ABTB3: variants seen among roughly 807,000 people sequenced by gnomAD.
The protein encoded by ABTB3 is ankyrin repeat and BTB domain containing 3, also known as ankyrin repeat- and BTB/POZ domain-containing protein 3.
At chr12:107,409,456 T>C in the ABTB3 span, among the ~76,000 whole-genome samples, 1 of 152,240 alleles carries the variant, frequency 6.6e-6, no homozygotes, top group Non-Finnish European at 1.5e-5. Flanking sequence ...TAAAGATACA[T>C]GCACCTGTAT....
the ABTB3 span, among the ~76,000 whole-genome samples, chr12:107,474,304 T>C: frequency 1.3e-5 from 2 of 152,150 alleles, no homozygotes; most frequent in Non-Finnish European, 2.9e-5. Context: ...CCCAGCTGTC[T>C]GCCACCGCCG....
chr12:107,411,363 G>A, the ABTB3 span, among the ~76,000 whole-genome samples: 3 of 152,160 alleles, frequency 2.0e-5, no homozygotes, highest in Non-Finnish European at 4.4e-5. Flanking sequence ...CAATTGCTTG[G>A]CTGCCTACTC....
the ABTB3 span, among the ~76,000 whole-genome samples, chr12:107,623,669 T>G: frequency 6.6e-6 from 1 of 152,180 alleles, no homozygotes; most frequent in Non-Finnish European, 1.5e-5. Flanking sequence ...ATCCGGCCTC[T>G]AGCTTATTTT....
At chr12:107,632,622 C>T in the ABTB3 span, among the ~76,000 whole-genome samples, 1 of 152,198 alleles carries the variant, frequency 6.6e-6, no homozygotes, top group Admixed American at 6.5e-5. Flanking sequence ...CGTAAGGCAA[C>T]ACCTGTTTAT....
the ABTB3 span, among the ~76,000 whole-genome samples, chr12:107,443,209 G>A: frequency 6.6e-6 from 1 of 152,028 alleles, no homozygotes; most frequent in African/African-American, 2.4e-5. Flanking sequence ...AAGGGAGTGG[G>A]ATGCATTTGC....
At chr12:107,513,287 A>G in the ABTB3 span, among the ~76,000 whole-genome samples, 2 of 152,128 alleles carry the variant, frequency 1.3e-5, no homozygotes, top group East Asian at 1.9e-4. Flanking sequence ...AGCATCTGAT[A>G]TGGTTTGGCT....
the ABTB3 span, among the ~76,000 whole-genome samples, chr12:107,390,562 A>G: frequency 1.3e-5 from 2 of 152,230 alleles, no homozygotes; most frequent in Non-Finnish European, 1.5e-5. Context: ...GGTAGGAGGC[A>G]GTGTCAGTAC....
chr12:107,345,255 CTT>C, the ABTB3 span, among the ~76,000 whole-genome samples: 6 of 152,132 alleles, frequency 3.9e-5, no homozygotes, highest in Non-Finnish European at 5.9e-5. Flanking sequence ...GCAGAAGACT[CTT>C]TACAAATAAG....
At chr12:107,481,076 A>G in the ABTB3 span, among the ~76,000 whole-genome samples, 1 of 152,174 alleles carries the variant, frequency 6.6e-6, no homozygotes, top group Non-Finnish European at 1.5e-5. Context: ...TCTAGAGACA[A>G]TTCTGGTTGT....
At chr12:107,625,829 G>A in the ABTB3 span, among the ~76,000 whole-genome samples, 11,140 of 152,174 alleles carry the variant, frequency 0.073, 493 homozygotes, top group Middle Eastern at 0.11. Context: ...CTTGACCTTC[G>A]ATGACACCAT....
chr12:107,542,021 C>T, the ABTB3 span, among the ~76,000 whole-genome samples: 1 of 151,974 alleles, frequency 6.6e-6, no homozygotes, highest in Non-Finnish European at 1.5e-5. Context: ...TAAAATTAAC[C>T]ATCACTGGCC....
At chr12:107,497,652 G>T in the ABTB3 span, among the ~76,000 whole-genome samples, 1 of 152,174 alleles carries the variant, frequency 6.6e-6, no homozygotes, top group African/African-American at 2.4e-5. Context: ...GTAATATTCT[G>T]TTGGATGATG....
chr12:107,435,216 A>G, the ABTB3 span, among the ~76,000 whole-genome samples: 1 of 152,208 alleles, frequency 6.6e-6, no homozygotes, highest in East Asian at 1.9e-4. Flanking sequence ...ATGGAAATAG[A>G]ATCAGTGCGT....
chr12:107,513,112 A>G, the ABTB3 span, among the ~76,000 whole-genome samples: 1 of 152,232 alleles, frequency 6.6e-6, no homozygotes, highest in African/African-American at 2.4e-5. Context: ...CTGAATTTAA[A>G]CATGTAAAAT....
At chr12:107,525,219 C>T in the ABTB3 span, among the ~76,000 whole-genome samples, 2 of 148,624 alleles carry the variant, frequency 1.3e-5, no homozygotes, top group African/African-American at 2.5e-5. Flanking sequence ...CCCAGCTACT[C>T]GGAAGGCTGA....
the ABTB3 span, among the ~76,000 whole-genome samples, chr12:107,477,700 G>A: frequency 6.6e-6 from 1 of 152,138 alleles, no homozygotes; most frequent in Non-Finnish European, 1.5e-5. Context: ...ACGGATTAAA[G>A]TTTGCTATGG....
the ABTB3 span, among the ~76,000 whole-genome samples, chr12:107,349,361 A>G: frequency 9.9e-5 from 15 of 152,216 alleles, no homozygotes; most frequent in Admixed American, 9.2e-4. Context: ...CTAATAAGGA[A>G]GTGTGCTGGG....
chr12:107,454,385 C>T, the ABTB3 span, among the ~76,000 whole-genome samples: 1 of 152,236 alleles, frequency 6.6e-6, no homozygotes, highest in Non-Finnish European at 1.5e-5. Context: ...GCACAGCTTG[C>T]ATGGCCATGA....
At chr12:107,452,193 C>T in the ABTB3 span, among the ~76,000 whole-genome samples, 2 of 149,798 alleles carry the variant, frequency 1.3e-5, no homozygotes, top group Admixed American at 6.7e-5. Flanking sequence ...AAGATCTCTG[C>T]CCATATGAAT....
Sources: gnomAD v4.1 joint callset for allele counts (sites outside exome capture counted in the v4.1 genomes callset) on GRCh38, gnomAD v4.1.1 for gene constraint, MANE v1.5 for transcripts, NCBI Gene and HGNC (gene_info 2026-07-23, HGNC 2026-07-21) for gene names.